The following MYO1D variants were observed in gnomAD, a reference collection of about 807,000 sequenced individuals.
The protein encoded by MYO1D is myosin ID.
MYO1D carries 83 observed loss-of-function variants against 122.0 expected under a neutral mutation model. That is an observed-to-expected ratio of 0.68 (90% CI 0.57 to 0.82). MYO1D has a LOEUF of 0.82. Ranked by LOEUF, MYO1D falls within the 40% of genes least tolerant of loss-of-function variation. The probability of loss-of-function intolerance (pLI) is 0.00; values close to 1 mark genes in which losing one functional copy is unlikely to be tolerated. For synonymous variants in MYO1D, 464 were observed against 446.9 expected, an observed-to-expected ratio of 1.04 and a Z score of -0.48; for missense variants, 1,157 against 1,269.5, an observed-to-expected ratio of 0.91 and a Z score of 1.35.
At chr17:32,785,519 C>G (rs556371487) in intron 1 of MYO1D, among the ~76,000 whole-genome samples, 1 of 152,228 alleles carries the variant, frequency 6.6e-6, no homozygotes, top group African/African-American at 2.4e-5. Context: ...TCCATCTACC[C>G]ATGCCATTTT....
intron 20 of MYO1D, among the ~76,000 whole-genome samples, chr17:32,633,754 T>C (rs146471286): frequency 6.6e-6 from 1 of 152,102 alleles, no homozygotes; most frequent in East Asian, 1.9e-4. Context: ...GTTCCTTCTG[T>C]CTAAAATACT....
intron 1 of MYO1D, among the ~76,000 whole-genome samples, chr17:32,827,250 A>G (rs1391220090): frequency 3.3e-5 from 5 of 152,228 alleles, no homozygotes; most frequent in Non-Finnish European, 7.3e-5. Flanking sequence ...ACATGGATAA[A>G]CCTTGAGAAC....
intron 16 of MYO1D, among the ~76,000 whole-genome samples, chr17:32,693,619 C>A (rs969534203): frequency 8.5e-5 from 13 of 152,286 alleles, no homozygotes; most frequent in African/African-American, 2.9e-4. Flanking sequence ...TTGAGATTCA[C>A]ACTGATGCGC....
rs865775269 is a variant in MYO1D, at chr17:32,653,849, G to A, written c.2589C>T (p.Val863=). The change falls in exon 19 of 22, where the codon GTC becomes GTT. Residue 863 remains valine (V), a synonymous_variant. Transcript: ENST00000318217. The part of the protein sequence containing the change: ...KYMNVLFSCH[V]RKVNRFSKVE... ...TGGTTTAAGCTTGCCTTACCTTACGGACGTGACAGGAAAAGAGGACATTCA... is the reference window on the plus strand; with the variant it reads ...TGGTTTAAGCTTGCCTTACCTTACGAACGTGACAGGAAAAGAGGACATTCA... The A allele has an allele frequency of 1.9e-6, 3 of 1,613,016 alleles. No homozygotes were observed. The South Asian group carries it at 3.3e-5, about 18-fold the overall frequency.
At chr17:32,821,508 A>T (rs1344496362) in intron 1 of MYO1D, among the ~76,000 whole-genome samples, 1 of 151,310 alleles carries the variant, frequency 6.6e-6, no homozygotes, top group Non-Finnish European at 1.5e-5. Flanking sequence ...ACAACTGCCA[A>T]CCTTTGTCAG....
chr17:32,827,693 T>C (rs1386777953), intron 1 of MYO1D, among the ~76,000 whole-genome samples: 1 of 151,084 alleles, frequency 6.6e-6, no homozygotes, highest in Non-Finnish European at 1.5e-5. Context: ...AAGGAAAGAG[T>C]AGAAAAAAAG....
intron 1 of MYO1D, among the ~76,000 whole-genome samples, chr17:32,862,345 G>T (rs1270274833): frequency 6.6e-6 from 1 of 152,090 alleles, no homozygotes; most frequent in Admixed American, 6.6e-5. Context: ...TGTCTATCTG[G>T]GTTGCTCCTG....
chr17:32,552,116 C>T (rs1353684108), intron 21 of MYO1D, among the ~76,000 whole-genome samples: 2 of 152,200 alleles, frequency 1.3e-5, no homozygotes, highest in Non-Finnish European at 2.9e-5. Context: ...TGCTTTGTTG[C>T]CTAGGCAGAG....
At chr17:32,682,761 C>T (rs2088940471) in intron 16 of MYO1D, among the ~76,000 whole-genome samples, 3 of 119,630 alleles carry the variant, frequency 2.5e-5, no homozygotes. Context: ...ATCTTTGCGG[C>T]GTTCTCTGTA....
chr17:32,829,815 TGTGG>T, intron 1 of MYO1D, among the ~76,000 whole-genome samples: 1 of 152,282 alleles, frequency 6.6e-6, no homozygotes, highest in Admixed American at 6.5e-5. Context: ...GTACATGCCT[TGTGG>T]GATTTTTGTG....
At chr17:32,705,728 C>T (rs2089298847) in intron 16 of MYO1D, among the ~76,000 whole-genome samples, 1 of 152,170 alleles carries the variant, frequency 6.6e-6, no homozygotes, top group Non-Finnish European at 1.5e-5. Flanking sequence ...GCTGTGTCCC[C>T]ACCCAAATCT....
chr17:32,624,124 G>A (rs886197797), intron 20 of MYO1D, among the ~76,000 whole-genome samples: 1 of 152,004 alleles, frequency 6.6e-6, no homozygotes, highest in East Asian at 1.9e-4. Context: ...CAACAAAAGT[G>A]AAAAAATTTG....
At position 32,733,162 on chromosome 17, in the gene MYO1D, C is replaced by T. The variant is rs115414678; in HGVS notation, c.1746+5091G>A. 2.5e-3 allele frequency among the ~76,000 whole-genome samples: 377 copies of T among 152,308 alleles called. 4 individuals carry two copies. The highest frequency in any genetic ancestry group is 6.9e-3 in the African/African-American group (287 of 41,578). On this transcript the variant is annotated intron_variant, in intron 14 of 21. Coordinates refer to ENST00000318217, the MANE Select transcript of MYO1D (RefSeq NM_015194.3). ...CCAGGCTGGTAGGGCAAGCTGAGTG[C>T]AGCCTGCGAGGCTGAGTAGGTGGAA...
intron 21 of MYO1D, among the ~76,000 whole-genome samples, chr17:32,536,960 A>C (rs1910682957): frequency 1.3e-5 from 2 of 152,130 alleles, no homozygotes; most frequent in Non-Finnish European, 2.9e-5. Flanking sequence ...TTGGAGTTGA[A>C]AGGCCACCTT....
At chr17:32,572,432 G>A (rs1314245050) in intron 21 of MYO1D, among the ~76,000 whole-genome samples, 1 of 152,106 alleles carries the variant, frequency 6.6e-6, no homozygotes, top group Non-Finnish European at 1.5e-5. Context: ...GCCCACATAA[G>A]TCCTGTCATT....
intron 21 of MYO1D, among the ~76,000 whole-genome samples, chr17:32,598,145 G>A (rs1239653574): frequency 1.3e-5 from 2 of 152,120 alleles, no homozygotes; most frequent in East Asian, 1.9e-4. Flanking sequence ...GGGCCAGGGC[G>A]GGTGGACTGC....
At chr17:32,517,884 C>A (rs1301046737) in intron 21 of MYO1D, among the ~76,000 whole-genome samples, 1 of 152,204 alleles carries the variant, frequency 6.6e-6, no homozygotes, top group Non-Finnish European at 1.5e-5. Context: ...GGCTGAGCCC[C>A]CAAGGGTCAC....
At chr17:32,649,567 C>CTTTTTTT (rs35514290) in intron 19 of MYO1D, among the ~76,000 whole-genome samples, 20 of 94,054 alleles carry the variant, frequency 2.1e-4, no homozygotes, top group African/African-American at 4.9e-4. Context: ...TTCTTTCTTT[C>CTTTTTTT]TTTTTTTTTT....
At chr17:32,763,700 G>A (rs9893870) in intron 8 of MYO1D, among the ~76,000 whole-genome samples, 5,482 of 152,156 alleles carry the variant, frequency 0.036, 329 homozygotes, top group African/African-American at 0.12. Flanking sequence ...CAGGTAGATC[G>A]CTTGAGGTCA....
Sources: allele counts gnomAD v4.1 joint callset (sites outside exome capture counted in the v4.1 genomes callset), GRCh38; gene constraint gnomAD v4.1.1; transcripts MANE v1.5; gene names NCBI Gene and HGNC (gene_info 2026-07-23, HGNC 2026-07-21).